GULP1: variants seen among roughly 807,000 people sequenced by gnomAD.
GULP1 encodes GULP PTB domain containing engulfment adaptor 1.
A neutral mutation model predicts 40.9 loss-of-function variants in GULP1; 19 were observed. The ratio of observed to expected loss-of-function variants is 0.46; its 90% CI spans 0.32 to 0.68. The LOEUF is 0.68. GULP1 is among the 30% of genes least tolerant of loss of function. The pLI, the probability that GULP1 is intolerant of heterozygous loss-of-function variation, is 0.03. For synonymous variants in GULP1, 119 were observed against 117.6 expected (o/e 1.01, Z -0.08); for missense variants, 312 against 362.2 (o/e 0.86, Z 1.12).
chr2:188,438,989 ACT>A (rs1307606977), intron 2 of GULP1, among the ~76,000 whole-genome samples: 3 of 151,948 alleles, frequency 2.0e-5, no homozygotes, highest in Admixed American at 6.6e-5. Context: ...TTAAAAAAGA[ACT>A]CTCTATGAAT....
At chr2:188,408,682 T>C (rs953526339) in intron 2 of GULP1, among the ~76,000 whole-genome samples, 2 of 152,084 alleles carry the variant, frequency 1.3e-5, no homozygotes, top group African/African-American at 4.8e-5. Context: ...GACAGACATA[T>C]AAAGAAGATT....
At chr2:188,317,996 G>T (rs2039379425) in intron 1 of GULP1, among the ~76,000 whole-genome samples, 1 of 151,800 alleles carries the variant, frequency 6.6e-6, no homozygotes, top group African/African-American at 2.4e-5. Context: ...ATTTCACTTG[G>T]CTATTTATTG....
At chr2:188,431,574 T>C (rs1259313748) in intron 2 of GULP1, among the ~76,000 whole-genome samples, 2 of 152,200 alleles carry the variant, frequency 1.3e-5, no homozygotes, top group Non-Finnish European at 2.9e-5. Context: ...TTTAGTTATG[T>C]ATTAGCATAT....
In GULP1 at chr2:188,528,465, C is replaced by T. The variant is rs62181261; in HGVS notation, c.163-632C>T. Among the ~76,000 whole-genome samples the T allele has an allele frequency of 4.1e-3, 624 of 151,362 alleles. 5 individuals carry two copies. The highest frequency in any genetic ancestry group is 6.9e-3 in the Admixed American group (105 of 15,186). ...AAGCATTTACATACACCTACTAACTCAATGAGAAAGTATAATAAATACTAC... is the reference window on the plus strand; with the variant it reads ...AAGCATTTACATACACCTACTAACTTAATGAGAAAGTATAATAAATACTAC... On this transcript the variant is annotated intron_variant, in intron 5 of 11. Transcript: ENST00000409830.
chr2:188,569,337 C>A lies in GULP1; in HGVS notation c.498C>A (p.Ile166=). 2 of 1,543,570 alleles carry A rather than the reference C, an allele frequency of 1.3e-6. No homozygotes were observed. Among genetic ancestry groups the A allele is most frequent in the South Asian group, 1.1e-5 (1 of 89,644 alleles). The part of the protein sequence containing the change: ...GGKDVETRKQ[I]AGLQKRIQDL... ...AAGATGTTGAAACAAGAAAACAGAT[C>A]GCAGGGTTACAAAAAAGAGTGAGTA... The change falls in exon 8 of 12, where the codon ATC becomes ATA. Residue 166 remains isoleucine (I), a synonymous_variant. Transcript: ENST00000409830.
chr2:188,513,879 G>A (rs1315234683), intron 4 of GULP1, among the ~76,000 whole-genome samples: 1 of 151,946 alleles, frequency 6.6e-6, no homozygotes, highest in Non-Finnish European at 1.5e-5. Context: ...TTATAAGGTT[G>A]ATGAGAAAAA....
chr2:188,419,060 T>A (rs970371659), intron 2 of GULP1, among the ~76,000 whole-genome samples: 4 of 152,214 alleles, frequency 2.6e-5, no homozygotes, highest in African/African-American at 9.7e-5. Context: ...AATTTTCTTT[T>A]TTTTAGAGTT....
At chr2:188,400,389 G>A (rs2052053347) in intron 2 of GULP1, among the ~76,000 whole-genome samples, 1 of 152,164 alleles carries the variant, frequency 6.6e-6, no homozygotes, top group Non-Finnish European at 1.5e-5. Context: ...GAGGTTCTGG[G>A]TGAACATGAA....
At chr2:188,345,533 G>A (rs1226367362) in intron 1 of GULP1, among the ~76,000 whole-genome samples, 1 of 152,204 alleles carries the variant, frequency 6.6e-6, no homozygotes, top group Non-Finnish European at 1.5e-5. Flanking sequence ...GATTAAATAT[G>A]ATCATTGGAT....
At chr2:188,505,135 C>A (rs928102916) in intron 4 of GULP1, among the ~76,000 whole-genome samples, 4 of 151,682 alleles carry the variant, frequency 2.6e-5, no homozygotes, top group African/African-American at 9.7e-5. Context: ...CAGCAAAATA[C>A]CCTTTGTCTT....
chr2:188,479,526 C>T (rs1310444568), intron 3 of GULP1, among the ~76,000 whole-genome samples: 1 of 152,158 alleles, frequency 6.6e-6, no homozygotes, highest in Admixed American at 6.6e-5. Context: ...GATCCTCCTG[C>T]CTTGGCCTCC....
intron 2 of GULP1, among the ~76,000 whole-genome samples, chr2:188,464,414 C>T (rs993501940): frequency 2.6e-5 from 4 of 152,178 alleles, no homozygotes; most frequent in African/African-American, 9.7e-5. Context: ...TGGCACATCA[C>T]CCCTGTAGGC....
intron 4 of GULP1, among the ~76,000 whole-genome samples, chr2:188,504,164 A>G (rs2153170071): frequency 6.6e-6 from 1 of 152,072 alleles, no homozygotes; most frequent in South Asian, 2.1e-4. Flanking sequence ...AAATGTCATG[A>G]CTTCTAACTT....
chr2:188,354,246 C>G (rs555630351), intron 1 of GULP1, among the ~76,000 whole-genome samples: 17 of 152,234 alleles, frequency 1.1e-4, no homozygotes, highest in African/African-American at 4.1e-4. Context: ...TGCCTTATCC[C>G]CCCAGGATCT....
In GULP1 at chr2:188,458,926, A is replaced by G. The variant is rs1263571976; in HGVS notation, c.-44-18733A>G. On this transcript the variant is annotated intron_variant, in intron 2 of 11. Coordinates refer to ENST00000409830, the MANE Select transcript of GULP1 (RefSeq NM_016315.4). Reference sequence around the variant, plus strand: ...ATTGTTTTGATTTTTAGATCTCACAAATAAGTAAGATCATGGGGTGTCTGT... The same window carrying G: ...ATTGTTTTGATTTTTAGATCTCACAGATAAGTAAGATCATGGGGTGTCTGT... Among the ~76,000 whole-genome samples the G allele has an allele frequency of 8.5e-5, 13 of 152,220 alleles. No homozygotes were observed. The East Asian group carries it at 2.5e-3, about 29-fold the overall frequency.
In GULP1 at chr2:188,541,211, A is replaced by G. The variant is rs752693650; in HGVS notation, c.292A>G (p.Ile98Val). 1.2e-6 allele frequency: 2 copies of G among 1,612,684 alleles called. No individual in the cohort carries two copies. The highest frequency in any genetic ancestry group is 2.7e-5 in the African/African-American group (2 of 74,896). ...TCAACACAATTGCCAGCTTCATAGA[A>G]TATCTTTTTGTGCAGATGATAAAAC... ...EVQHNCQLHR[I>V]SFCADDKTDK... Residue 98 changes from isoleucine (I) to valine (V), a missense_variant, in exon 7 of 12, where the codon ATA (isoleucine) becomes GTA (valine). Coordinates refer to ENST00000409830, the MANE Select transcript of GULP1 (RefSeq NM_016315.4).
At chr2:188,522,211 G>T (rs2065858128) in intron 4 of GULP1, among the ~76,000 whole-genome samples, 1 of 151,800 alleles carries the variant, frequency 6.6e-6, no homozygotes, top group African/African-American at 2.4e-5. Flanking sequence ...AATTCTACAT[G>T]TTAGATGAGT....
At chr2:188,528,866 T>A (rs1484959463) in intron 5 of GULP1, among the ~76,000 whole-genome samples, 1 of 152,132 alleles carries the variant, frequency 6.6e-6, no homozygotes, top group Non-Finnish European at 1.5e-5. Context: ...ATGAAAGAAG[T>A]GCATTAAAAA....
intron 2 of GULP1, among the ~76,000 whole-genome samples, chr2:188,473,543 C>T (rs533504971): frequency 1.3e-5 from 2 of 152,256 alleles, no homozygotes; most frequent in Admixed American, 6.5e-5. Flanking sequence ...ATGCCTCACC[C>T]CATGGCAACT....
Sources: allele counts gnomAD v4.1 joint callset (sites outside exome capture counted in the v4.1 genomes callset), GRCh38; gene constraint gnomAD v4.1.1; transcripts MANE v1.5; gene names NCBI Gene and HGNC (gene_info 2026-07-23, HGNC 2026-07-21).